The following NCOA7 variants were observed in gnomAD, a reference collection of about 807,000 sequenced individuals.
NCOA7 encodes 140 kDa estrogen receptor-associated protein.
Under a neutral mutation model 104.3 loss-of-function variants are expected in NCOA7, and 45 were observed. The ratio of observed to expected loss-of-function variants is 0.43; its 90% CI spans 0.34 to 0.55. The LOEUF (loss-of-function observed/expected upper bound fraction) is 0.55, where lower values mean the gene tolerates loss of function less well. NCOA7 is among the 20% of genes least tolerant of loss of function. The pLI, the probability that NCOA7 is intolerant of heterozygous loss-of-function variation, is 0.02. For synonymous variants in NCOA7, 398 were observed against 402.3 expected, an observed-to-expected ratio of 0.99 and a Z score of 0.13; for missense variants, 1,041 against 1,119.7, an observed-to-expected ratio of 0.93 and a Z score of 1.00.
At chr6:125,880,302 T>C (rs1783713624) in intron 5 of NCOA7, among the ~76,000 whole-genome samples, 1 of 152,100 alleles carries the variant, frequency 6.6e-6, no homozygotes, top group Admixed American at 6.5e-5. Context: ...TTTGTTCCAT[T>C]TCTACCTGGC....
At chr6:125,804,162 A>G (rs1309968650) in intron 1 of NCOA7, among the ~76,000 whole-genome samples, 1 of 152,198 alleles carries the variant, frequency 6.6e-6, no homozygotes, top group Non-Finnish European at 1.5e-5. Flanking sequence ...CGGAGCTAGA[A>G]TATGTCTGCA....
intron 10 of NCOA7, among the ~76,000 whole-genome samples, chr6:125,898,499 A>T (rs1458526991): frequency 1.3e-5 from 2 of 152,214 alleles, no homozygotes; most frequent in African/African-American, 4.8e-5. Context: ...CAACAAATTG[A>T]TGCCCTTCTT....
At chr6:125,851,992 T>C (rs1781171581) in intron 2 of NCOA7, among the ~76,000 whole-genome samples, 1 of 152,228 alleles carries the variant, frequency 6.6e-6, no homozygotes, top group Non-Finnish European at 1.5e-5. Flanking sequence ...ATTCTAGATA[T>C]TAGTCCTTTG....
intron 10 of NCOA7, among the ~76,000 whole-genome samples, chr6:125,897,984 T>C (rs1785183923): frequency 6.6e-6 from 1 of 152,214 alleles, no homozygotes; most frequent in African/African-American, 2.4e-5. Context: ...CAGCCCCTTT[T>C]TGACATGTTG....
intron 1 of NCOA7, among the ~76,000 whole-genome samples, chr6:125,812,582 C>G (rs939613968): frequency 6.6e-6 from 1 of 152,142 alleles, no homozygotes; most frequent in Non-Finnish European, 1.5e-5. Flanking sequence ...TTCTCCTTTT[C>G]TTCCTAACCA....
chr6:125,839,780 A>G (rs901709778), intron 2 of NCOA7, among the ~76,000 whole-genome samples: 3 of 152,126 alleles, frequency 2.0e-5, no homozygotes, highest in African/African-American at 7.3e-5. Flanking sequence ...TGTCACCGTC[A>G]TAGTGCAACA....
In NCOA7 at chr6:125,928,795, A is replaced by G. The variant is rs1788275708; in HGVS notation, c.*24A>G. ...GAAATTCAGACTGCCTTAAAATATA[A>G]CATTAAAAAGACTGGGTTCGATCAG... On this transcript the variant is annotated 3_prime_UTR_variant, in exon 16 of 16. Coordinates refer to ENST00000392477, the MANE Select transcript of NCOA7 (RefSeq NM_181782.5). The G allele has an allele frequency of 6.2e-7, 1 of 1,603,052 alleles. No homozygotes were observed.
chr6:125,822,954 C>A (rs79770270), intron 2 of NCOA7, among the ~76,000 whole-genome samples: 1,995 of 137,348 alleles, frequency 0.015, 22 homozygotes, highest in East Asian at 0.024. Context: ...AAAAAAACAA[C>A]AAAAAAAAAC....
chr6:125,831,224 C>A (rs897710726), intron 2 of NCOA7, among the ~76,000 whole-genome samples: 1 of 152,156 alleles, frequency 6.6e-6, no homozygotes, highest in Admixed American at 6.5e-5. Flanking sequence ...TTTTCAGGGG[C>A]CTTAGTGAAA....
intron 10 of NCOA7, among the ~76,000 whole-genome samples, chr6:125,898,374 AAGG>A: frequency 6.6e-6 from 1 of 152,172 alleles, no homozygotes; most frequent in East Asian, 1.9e-4. Flanking sequence ...TCATCATCCC[AAGG>A]AGAATTTCTA....
At chr6:125,887,081 A>G (rs111548822) in intron 8 of NCOA7, among the ~76,000 whole-genome samples, 9 of 152,392 alleles carry the variant, frequency 5.9e-5, no homozygotes, top group Middle Eastern at 3.4e-3. Context: ...GAAAAAGCAG[A>G]TGGTGAAATT....
chr6:125,928,567 C>T, intron 15 of NCOA7, 69 bp from the exon 16 acceptor site: 2 of 1,516,724 alleles, frequency 1.3e-6, no homozygotes, highest in Non-Finnish European at 1.8e-6. Context: ...AAGATGGGGG[C>T]AAGAGAGAAT....
At chr6:125,846,805 C>T (rs988370765) in intron 2 of NCOA7, among the ~76,000 whole-genome samples, 1 of 152,142 alleles carries the variant, frequency 6.6e-6, no homozygotes, top group African/African-American at 2.4e-5. Flanking sequence ...GGGAAATGGC[C>T]CTAGTTTTTC....
chr6:125,808,505 A>G (rs1041127388), intron 1 of NCOA7, among the ~76,000 whole-genome samples: 1 of 152,176 alleles, frequency 6.6e-6, no homozygotes, highest in Admixed American at 6.5e-5. Flanking sequence ...GATGTTTCCA[A>G]AAGTGATCCA....
At chr6:125,824,677 G>T (rs1194187939) in intron 2 of NCOA7, among the ~76,000 whole-genome samples, 1 of 152,112 alleles carries the variant, frequency 6.6e-6, no homozygotes, top group African/African-American at 2.4e-5. Context: ...ATGCTTCAGT[G>T]AAAGGTCCAA....
chr6:125,926,404 T>C lies in NCOA7; in HGVS notation c.2524-1259T>C, dbSNP rs561732305. ...AGGGTGTGAAAGTAAAGATAACTTA[T>C]TGACTGATCAGAGAGGGAACTCATT... On this transcript the variant is annotated intron_variant, in intron 13 of 15. Coordinates refer to ENST00000392477, the MANE Select transcript of NCOA7 (RefSeq NM_181782.5). Among the ~76,000 whole-genome samples, 36 of 152,234 alleles carry C rather than the reference T, an allele frequency of 2.4e-4. No homozygotes were observed. In the East Asian group the frequency reaches 5.0e-3, roughly 21 times the overall value.
chr6:125,840,814 A>AT (rs1780056596), intron 2 of NCOA7, among the ~76,000 whole-genome samples: 1 of 129,802 alleles, frequency 7.7e-6, no homozygotes, highest in Non-Finnish European at 1.6e-5. Flanking sequence ...CCTGGACACC[A>AT]TTTTTTAATA....
chr6:125,898,792 G>A (rs1785254051), intron 10 of NCOA7, among the ~76,000 whole-genome samples: 2 of 152,062 alleles, frequency 1.3e-5, no homozygotes, highest in African/African-American at 4.8e-5. Context: ...TAGTTGGATG[G>A]GTTCATGAAT....
intron 4 of NCOA7, among the ~76,000 whole-genome samples, chr6:125,877,398 C>T (rs529396241): frequency 6.6e-6 from 1 of 152,296 alleles, no homozygotes; most frequent in African/African-American, 2.4e-5. Flanking sequence ...CCAGTCTTGA[C>T]CCAGGGCTAT....
Sources: gnomAD v4.1 joint callset for allele counts (sites outside exome capture counted in the v4.1 genomes callset) on GRCh38, gnomAD v4.1.1 for gene constraint, MANE v1.5 for transcripts, NCBI Gene and HGNC (gene_info 2026-07-23, HGNC 2026-07-21) for gene names.